NLRP1: variants seen among roughly 807,000 people sequenced by gnomAD.
NLRP1 encodes NLR family pyrin domain containing 1.
Under a neutral mutation model 136.7 loss-of-function variants are expected in NLRP1, and 94 were observed. The observed-to-expected ratio is 0.69, with a 90% CI of 0.58 to 0.82. NLRP1 has a LOEUF of 0.82. NLRP1 is among the 40% of genes least tolerant of loss of function. NLRP1 has a pLI of 0.00. For missense variants in NLRP1, 1,575 were observed against 1,802.7 expected, an observed-to-expected ratio of 0.87 and a Z score of 2.29; for synonymous variants, 690 against 725.1, an observed-to-expected ratio of 0.95 and a Z score of 0.78.
At chr17:5,563,857 A>G (rs1035236744) in intron 3 of NLRP1, among the ~76,000 whole-genome samples, 3 of 152,200 alleles carry the variant, frequency 2.0e-5, no homozygotes, top group Non-Finnish European at 2.9e-5. Context: ...TCCAAGGCCA[A>G]CATGAAAGAA....
rs1268364394 is a variant in NLRP1, at chr17:5,582,737, C to A, written c.381G>T (p.Gly127=). 2.5e-6 allele frequency: 4 copies of A among 1,614,118 alleles called. No individual in the cohort carries two copies. The South Asian group carries it at 3.3e-5, about 13-fold the overall frequency. The change falls in exon 2 of 17, where the codon GGG becomes GGT. Residue 127 remains glycine (G), a synonymous_variant. Transcript: ENST00000572272. The part of the protein sequence containing the change: ...LMPWIHELPA[G]CTQGSERRVL... ...CCCTTCTCTCTGAGCCCTGGGTGCA[C>A]CCCGCCGGCAATTCATGGATCCAGG...
At chr17:5,531,294 C>A (rs1465088129) in intron 11 of NLRP1, among the ~76,000 whole-genome samples, 1 of 152,122 alleles carries the variant, frequency 6.6e-6, no homozygotes, top group African/African-American at 2.4e-5. Context: ...TGGTTCACTG[C>A]AGCCTCGAAA....
Position 5,530,585 on chromosome 17 carries a change from A to C in NLRP1, c.3416T>G (p.Ile1139Ser). 2 of 1,614,232 alleles carry C rather than the reference A, an allele frequency of 1.2e-6. No homozygotes were observed. The highest frequency in any genetic ancestry group is 2.2e-5 in the South Asian group (2 of 91,084). The stretch of plus-strand genomic sequence containing the variant: ...CACCATCCAGCTGTGCTGTGGGTTG[A>C]TCTCACCCAGGAACTGGTCCCACAC... The part of the protein sequence containing the change: ...FCVWDQFLGE[I>S]NPQHSWMVAG... Residue 1139 changes from isoleucine (I) to serine (S), a missense_variant, in exon 12 of 17, where the codon ATC becomes AGC. Ile to Ser is a moderately radical substitution (Grantham distance 142, BLOSUM62 -2). Coordinates refer to ENST00000572272, the MANE Select transcript of NLRP1 (RefSeq NM_033004.4).
At chr17:5,549,339 C>T (rs9896938) in intron 5 of NLRP1, among the ~76,000 whole-genome samples, 43,218 of 151,534 alleles carry the variant, frequency 0.29, 7,878 homozygotes, top group Non-Finnish European at 0.4. Flanking sequence ...AGTGCAGTGG[C>T]ACAATCTCAG....
Position 5,537,010 on chromosome 17 carries a change from A to C in NLRP1, c.2871-70T>G. On this transcript the variant is annotated intron_variant, in intron 7 of 16. Transcript: ENST00000572272. The surrounding 1 kb of genome is among the most constrained non-coding windows in gnomAD (Gnocchi z 4.5). ...GGTCCCCAGGTCCCCAGGGCCCAGA[A>C]TCCTGGGACCTGTCACCTTCTGAGG... 9.0e-7 allele frequency: 1 copy of C among 1,113,482 alleles called. No homozygotes were observed. The highest frequency in any genetic ancestry group is 1.4e-6 in the Non-Finnish European group (1 of 729,098). 69.0% of individuals were successfully genotyped at this position (1,113,482 alleles called of 1,614,324 possible).
chr17:5,507,069 T>C (rs1907381536), intron 15 of NLRP1, among the ~76,000 whole-genome samples: 1 of 152,104 alleles, frequency 6.6e-6, no homozygotes, highest in South Asian at 2.1e-4. Flanking sequence ...GAAAGTAGAA[T>C]AGTGGTTCCC....
At chr17:5,513,983 G>T (rs1362594358), downstream of NLRP1, 1 of 152,122 alleles carries the variant, frequency 6.6e-6, no homozygotes, top group South Asian at 2.1e-4. Context: ...CTGAAAGGGG[G>T]AAGAACCTTC....
chr17:5,555,330 C>G (rs1913911888), intron 4 of NLRP1, among the ~76,000 whole-genome samples: 1 of 152,176 alleles, frequency 6.6e-6, no homozygotes. Context: ...CAACCTCCAC[C>G]CTTTCTTCCT....
chr17:5,513,906 A>G (rs1269106916), downstream of NLRP1, among the ~76,000 whole-genome samples: 1 of 152,222 alleles, frequency 6.6e-6, no homozygotes. Context: ...ATACTAAAAG[A>G]CATTCCCACC....
rs80246227 is a variant in NLRP1, at chr17:5,502,082, G to A, written c.4070-210C>T. ...GTGCTGTTCCTCTCTATCCTACAGC[G>A]TTGCCAGGGACTTCTTGCATGGCCA... On this transcript the variant is annotated intron_variant, in intron 15 of 15. Coordinates refer to the NLRP1 transcript ENST00000262467. 52 of 513,424 alleles carry A rather than the reference G, an allele frequency of 1.0e-4. No homozygotes were observed. The East Asian group carries it at 1.7e-3, about 16-fold the overall frequency. 31.8% of individuals were successfully genotyped at this position (513,424 alleles called of 1,614,324 possible).
chr17:5,580,909 C>A (rs935206568), intron 3 of NLRP1, among the ~76,000 whole-genome samples: 4 of 152,094 alleles, frequency 2.6e-5, no homozygotes, highest in Non-Finnish European at 4.4e-5. Context: ...TCCTTATATA[C>A]CCTATCAAGA....
intron 15 of NLRP1, chr17:5,502,788 G>A (rs942726441): frequency 1.3e-5 from 2 of 152,890 alleles, no homozygotes; most frequent in African/African-American, 4.8e-5. Flanking sequence ...GGATGTCATG[G>A]AGGGGTGTGA....
intron 3 of NLRP1, among the ~76,000 whole-genome samples, chr17:5,569,000 C>A (rs896634415): frequency 1.3e-5 from 2 of 152,018 alleles, no homozygotes; most frequent in African/African-American, 4.8e-5. Context: ...GTGCTCCAAC[C>A]AAGAATTTCA....
intron 5 of NLRP1, among the ~76,000 whole-genome samples, chr17:5,552,421 T>C (rs1913488643): frequency 6.6e-6 from 1 of 152,182 alleles, no homozygotes; most frequent in African/African-American, 2.4e-5. Context: ...GATCTTATCT[T>C]TGGATAGAGC....
chr17:5,552,874 A>T (rs1380995167), intron 5 of NLRP1, among the ~76,000 whole-genome samples: 2 of 152,130 alleles, frequency 1.3e-5, no homozygotes, highest in Non-Finnish European at 2.9e-5. Context: ...TCCATTTTTC[A>T]TGTTGCAGCC....
In NLRP1 at chr17:5,515,018, T is replaced by C; in HGVS notation, c.4158A>G (p.Arg1386=). ...PQLLHFVDQY[R]EQLIARVTSV... ...ATGTCACTCGGGCTATCAGCTGCTC[T>C]CGATACTGGTCCACAAAGTGCAGCA... Residue 1386 remains arginine (R), a synonymous_variant, in exon 17 of 17, where the codon CGA becomes CGG. Coordinates refer to ENST00000572272, the MANE Select transcript of NLRP1 (RefSeq NM_033004.4). 1 of 1,614,178 alleles carries C rather than the reference T, an allele frequency of 6.2e-7. No individual in the cohort carries two copies. Among genetic ancestry groups the C allele is most frequent in the Non-Finnish European group, 8.5e-7 (1 of 1,180,026 alleles).
At chr17:5,555,351 G>GA (rs1028648948) in intron 4 of NLRP1, among the ~76,000 whole-genome samples, 4 of 151,706 alleles carry the variant, frequency 2.6e-5, no homozygotes, top group African/African-American at 7.3e-5. Context: ...GAACTTTCTT[G>GA]TTTTTTTTAT....
intron 5 of NLRP1, among the ~76,000 whole-genome samples, chr17:5,543,620 C>T (rs1340915181): frequency 6.6e-6 from 1 of 151,294 alleles, no homozygotes; most frequent in Non-Finnish European, 1.5e-5. Context: ...CATGCCACTG[C>T]ACTCCAGCCT....
At chr17:5,552,329 T>C (rs1242136512) in intron 5 of NLRP1, among the ~76,000 whole-genome samples, 1 of 152,186 alleles carries the variant, frequency 6.6e-6, no homozygotes, top group Non-Finnish European at 1.5e-5. Flanking sequence ...TGTTGATTTC[T>C]AATTTCATTT....
Sources: allele counts gnomAD v4.1 joint callset (sites outside exome capture counted in the v4.1 genomes callset), GRCh38; gene constraint gnomAD v4.1.1; non-coding constraint Gnocchi (gnomAD v3.1); transcripts MANE v1.5; gene names NCBI Gene and HGNC (gene_info 2026-07-23, HGNC 2026-07-21).